Variants in ADGRL4 observed in about 807,000 individuals in gnomAD.
ADGRL4 encodes the protein EGF, latrophilin and seven transmembrane domain containing 1.
ADGRL4 carries 90 observed loss-of-function variants against 74.8 expected under a neutral mutation model. The observed-to-expected ratio is 1.20, with a 90% CI of 1.02 to 1.43. The LOEUF (loss-of-function observed/expected upper bound fraction) is 1.43. Among genes scored for constraint, ADGRL4 ranks in the 40% most tolerant of loss-of-function variants. ADGRL4 has a pLI of 0.00. For synonymous variants in ADGRL4, 311 were observed against 279.2 expected (o/e 1.11, Z -1.14); for missense variants, 881 against 814.3 (o/e 1.08, Z -1.00).
chr1:79,003,601 G>A (rs1194117670), intron 2 of ADGRL4, among the ~76,000 whole-genome samples: 15 of 151,946 alleles, frequency 9.9e-5, no homozygotes, highest in Non-Finnish European at 1.9e-4. Flanking sequence ...TGGAAGATGC[G>A]TTTTTAAAAG....
chr1:78,970,003 A>G (rs754240364), intron 2 of ADGRL4, among the ~76,000 whole-genome samples: 40 of 152,148 alleles, frequency 2.6e-4, no homozygotes, highest in Admixed American at 1.9e-3. Flanking sequence ...TTGGGAAAGT[A>G]AAACCAAGGG....
intron 2 of ADGRL4, among the ~76,000 whole-genome samples, chr1:78,987,015 T>C (rs141758283): frequency 1.3e-5 from 2 of 151,934 alleles, no homozygotes; most frequent in Non-Finnish European, 2.9e-5. Flanking sequence ...GATGGTATCA[T>C]TTAAACAGGA....
intron 2 of ADGRL4, among the ~76,000 whole-genome samples, chr1:79,000,678 A>T (rs930961394): frequency 8.5e-5 from 13 of 152,266 alleles, no homozygotes; most frequent in African/African-American, 3.1e-4. Context: ...TATTTCTAGT[A>T]CAAAGAAAAG....
chr1:79,002,412 G>A (rs1650862172), intron 2 of ADGRL4, among the ~76,000 whole-genome samples: 1 of 152,000 alleles, frequency 6.6e-6, no homozygotes, highest in South Asian at 2.1e-4. Flanking sequence ...GAACATGTAT[G>A]ATATTTTTAA....
intron 2 of ADGRL4, among the ~76,000 whole-genome samples, chr1:78,999,265 A>G (rs1650785682): frequency 6.6e-6 from 1 of 152,180 alleles, no homozygotes. Flanking sequence ...ACTATAATAA[A>G]CAAAGCGCAA....
chr1:78,931,546 C>T (rs10782671), intron 7 of ADGRL4, among the ~76,000 whole-genome samples: 9,200 of 151,226 alleles, frequency 0.061, 421 homozygotes, highest in South Asian at 0.097. Flanking sequence ...AACCAGATAG[C>T]ATCATGATGA....
rs770040543 is a variant in ADGRL4 at position 78,891,548 on chromosome 1, TA to T, written c.1985del (p.Leu662TyrfsTer28). On this transcript the variant is annotated frameshift_variant, in exon 14 of 15. Coordinates refer to ENST00000370742, the MANE Select transcript of ADGRL4 (RefSeq NM_022159.4). LOFTEE classifies it high-confidence loss of function. Reference sequence around the variant, plus strand: ...CCTTTCTAGATAAAACACACAGGAATAAAAAAATGAACATCCCCTGGAAAGC... The same window carrying T: ...CCTTTCTAGATAAAACACACAGGAATAAAAAATGAACATCCCCTGGAAAGC... The part of the protein sequence containing the change: ...SNAFQGMFIF[L>X]FLCVLSRKIQ... 4 of 1,612,754 alleles carry T rather than the reference TA, an allele frequency of 2.5e-6. No individual in the cohort carries two copies. Among genetic ancestry groups the T allele is most frequent in the East Asian group, 2.2e-5 (1 of 44,784 alleles).
intron 8 of ADGRL4, among the ~76,000 whole-genome samples, chr1:78,926,401 A>C (rs2100676982): frequency 6.6e-6 from 1 of 152,154 alleles, no homozygotes; most frequent in African/African-American, 2.4e-5. Flanking sequence ...ATTTAGAATA[A>C]AAAATAAAAG....
At chr1:78,967,596 G>A (rs1448938014) in intron 2 of ADGRL4, among the ~76,000 whole-genome samples, 1 of 152,140 alleles carries the variant, frequency 6.6e-6, no homozygotes, top group Non-Finnish European at 1.5e-5. Flanking sequence ...ATAAGATAAA[G>A]CTGAAGGTTC....
Position 78,917,861 on chromosome 1 carries a change from G to A in ADGRL4, c.1651C>T (p.Leu551=). 6.2e-7 allele frequency: 1 copy of A among 1,612,484 alleles called. No individual in the cohort carries two copies. The highest frequency in any genetic ancestry group is 8.5e-7 in the Non-Finnish European group (1 of 1,179,068). Residue 551 remains leucine (L), a synonymous_variant, in exon 11 of 15, where the codon CTA becomes TTA. Transcript: ENST00000370742. ...PAVVVGFSAA[L]GYRYYGTTKV... Reference sequence around the variant, plus strand: ...GTTGTGCCATAATATCTGTATCCTAGTGCTGCCGAAAATCCAACTACCACG... The same window carrying A: ...GTTGTGCCATAATATCTGTATCCTAATGCTGCCGAAAATCCAACTACCACG...
chr1:78,979,763 G>A (rs1369607232), intron 2 of ADGRL4, among the ~76,000 whole-genome samples: 1 of 151,936 alleles, frequency 6.6e-6, no homozygotes, highest in Non-Finnish European at 1.5e-5. Flanking sequence ...CTTGGATGGA[G>A]CAGGAGGCCG....
Position 78,937,849 on chromosome 1 carries a change from A to G in ADGRL4, c.718T>C (p.Phe240Leu). 1 of 1,613,330 alleles carries G rather than the reference A, an allele frequency of 6.2e-7. No homozygotes were observed. Among genetic ancestry groups the G allele is most frequent in the Admixed American group, 1.7e-5 (1 of 59,876 alleles). Reference protein sequence around the residue: ...EQATLRISQSFQKTTEFDTNS... With the variant: ...EQATLRISQSLQKTTEFDTNS... The stretch of plus-strand genomic sequence containing the variant: ...GTATCAAACTCTGTGGTCTTTTGGA[A>G]GCTCTGGGATATCCTTAAAGTAGCT... The change falls in exon 6 of 15, where the codon TTC becomes CTC. Residue 240 changes from phenylalanine (F) to leucine (L), a missense_variant. Phe to Leu is a conservative substitution (Grantham distance 22). Transcript: ENST00000370742.
intron 8 of ADGRL4, among the ~76,000 whole-genome samples, chr1:78,924,107 A>G (rs1382373800): frequency 6.6e-6 from 1 of 151,984 alleles, no homozygotes; most frequent in Non-Finnish European, 1.5e-5. Context: ...CATTCAAAAG[A>G]CAATAAATTT....
At chr1:78,935,653 A>G (rs1383759318) in intron 7 of ADGRL4, among the ~76,000 whole-genome samples, 2 of 152,200 alleles carry the variant, frequency 1.3e-5, no homozygotes, top group Non-Finnish European at 2.9e-5. Context: ...AGGAACTGCA[A>G]ATATAGTGAC....
chr1:78,891,300 C>T (rs2100646917), intron 14 of ADGRL4, 84 bp from the exon 15 acceptor site: 1 of 1,410,402 alleles, frequency 7.1e-7, no homozygotes. Flanking sequence ...TAAATTGTTA[C>T]ATATGGTTTT....
At chr1:78,901,339 A>C (rs2100655071) in intron 12 of ADGRL4, among the ~76,000 whole-genome samples, 1 of 152,266 alleles carries the variant, frequency 6.6e-6, no homozygotes, top group African/African-American at 2.4e-5. Flanking sequence ...CTGATCTATA[A>C]TTGTTTGAAA....
chr1:78,935,866 G>C lies in ADGRL4; in HGVS notation c.877+429C>G, dbSNP rs1445438350. Among the ~76,000 whole-genome samples the C allele has an allele frequency of 8.7e-5, 2 of 23,064 alleles. 1 individual carries two copies. Among genetic ancestry groups the C allele is most frequent in the Admixed American group, 1.0e-3 (2 of 1,976 alleles). The allele number at this position is 23,064 out of a possible 152,430, so 15.1% of individuals were successfully genotyped here. On this transcript the variant is annotated intron_variant, in intron 7 of 14. Transcript: ENST00000370742. ...GGGCCGGGCGCGGTGGCTCACGCTT[G>C]TAATCCCAGCACTTTGGGAGGCCGA...
At chr1:78,915,014 A>G (rs1648841528) in intron 12 of ADGRL4, among the ~76,000 whole-genome samples, 1 of 151,892 alleles carries the variant, frequency 6.6e-6, no homozygotes, top group African/African-American at 2.4e-5. Flanking sequence ...CTATTCTTCA[A>G]AGATGAATAT....
At chr1:78,902,461 G>A (rs551996059) in intron 12 of ADGRL4, among the ~76,000 whole-genome samples, 1 of 152,042 alleles carries the variant, frequency 6.6e-6, no homozygotes, top group Non-Finnish European at 1.5e-5. Context: ...GGCAACAGAG[G>A]CAGAAAGAGG....
Sources: allele counts gnomAD v4.1 joint callset (sites outside exome capture counted in the v4.1 genomes callset), GRCh38; gene constraint gnomAD v4.1.1; transcripts MANE v1.5; gene names NCBI Gene and HGNC (gene_info 2026-07-23, HGNC 2026-07-21).